The following MAP2 variants were observed in gnomAD, a reference collection of about 807,000 sequenced individuals.
MAP2 encodes the protein microtubule associated protein 2.
A neutral mutation model predicts 137.6 loss-of-function variants in MAP2; 14 were observed. That is an observed-to-expected ratio of 0.10 (90% CI 0.07 to 0.16). The LOEUF (loss-of-function observed/expected upper bound fraction) is 0.16. Ranked by LOEUF, MAP2 falls within the 10% of genes least tolerant of loss-of-function variation. The probability of loss-of-function intolerance (pLI) is 1.00; values close to 1 mark genes in which losing one functional copy is unlikely to be tolerated. For synonymous variants in MAP2, 786 were observed against 782.3 expected (o/e 1.00, Z -0.08); for missense variants, 2,088 against 2,191.5 (o/e 0.95, Z 0.94).
intron 2 of MAP2, among the ~76,000 whole-genome samples, chr2:209,519,062 GA>G (rs1162887749): frequency 1.3e-5 from 2 of 151,856 alleles, no homozygotes; most frequent in Non-Finnish European, 2.9e-5. Context: ...ATTGTTGAGG[GA>G]ATATAATTAA....
intron 12 of MAP2, among the ~76,000 whole-genome samples, chr2:209,709,298 A>AT (rs2064586614): frequency 6.6e-6 from 1 of 152,130 alleles, no homozygotes; most frequent in South Asian, 2.1e-4. Context: ...CACTGAGATA[A>AT]TTTTCCTTAT....
In MAP2 at chr2:209,563,535, C is replaced by T. The variant is rs555293910; in HGVS notation, c.-171-16501C>T. Among the ~76,000 whole-genome samples, 4 of 151,978 alleles carry T rather than the reference C, an allele frequency of 2.6e-5. No individual in the cohort carries two copies. In the South Asian group the frequency reaches 8.3e-4, roughly 32 times the overall value. On this transcript the variant is annotated intron_variant, in intron 2 of 15. Transcript: ENST00000682079. ...TTCAAGATTAAGGACACCTGCATCG[C>T]CACCAGCTTCCCAACCCACCCCCGT...
At chr2:209,535,755 T>G (rs1379341277) in intron 2 of MAP2, among the ~76,000 whole-genome samples, 1 of 152,242 alleles carries the variant, frequency 6.6e-6, no homozygotes, top group East Asian at 1.9e-4. Flanking sequence ...TCGAGGTTTA[T>G]TTTTCAGTTA....
At chr2:209,578,788 A>T (rs1041866880) in intron 2 of MAP2, among the ~76,000 whole-genome samples, 4 of 152,234 alleles carry the variant, frequency 2.6e-5, no homozygotes, top group African/African-American at 9.6e-5. Flanking sequence ...GATACAGATT[A>T]TGCCAAAGAT....
intron 1 of MAP2, among the ~76,000 whole-genome samples, chr2:209,487,857 C>A (rs1193152512): frequency 2.0e-5 from 3 of 151,894 alleles, no homozygotes; most frequent in South Asian, 2.1e-4. Context: ...TATTTATATA[C>A]CTAACATAGA....
At chr2:209,596,703 C>T (rs1003393406) in intron 3 of MAP2, among the ~76,000 whole-genome samples, 9 of 152,172 alleles carry the variant, frequency 5.9e-5, no homozygotes, top group African/African-American at 2.2e-4. Context: ...CTACCCAGCC[C>T]ATCTGGATGG....
intron 5 of MAP2, among the ~76,000 whole-genome samples, chr2:209,670,827 A>T (rs1371795489): frequency 2.6e-5 from 4 of 151,744 alleles, no homozygotes; most frequent in South Asian, 4.1e-4. Flanking sequence ...TAAATCTTGA[A>T]GAAGAAAAAT....
chr2:209,704,372 T>G, intron 11 of MAP2: 1 of 1,308,514 alleles, frequency 7.6e-7, no homozygotes, highest in Non-Finnish European at 1.0e-6. Context: ...TCTTATATGT[T>G]TATACTTCTT....
At chr2:209,444,810 T>G (rs1479151430) in intron 1 of MAP2, among the ~76,000 whole-genome samples, 1 of 151,528 alleles carries the variant, frequency 6.6e-6, no homozygotes. Flanking sequence ...TGATTAAAAG[T>G]TCTTATCGGG....
At chr2:209,444,924 T>A (rs1442509898) in intron 1 of MAP2, among the ~76,000 whole-genome samples, 1 of 151,494 alleles carries the variant, frequency 6.6e-6, no homozygotes, top group Non-Finnish European at 1.5e-5. Flanking sequence ...AAAGCTTAAG[T>A]CAAGCTTTTT....
Position 209,695,783 on chromosome 2 carries a change from A to G in MAP2, c.3613A>G (p.Lys1205Glu), listed in dbSNP as rs2060023646. 12 of 1,613,980 alleles carry G rather than the reference A, an allele frequency of 7.4e-6. No individual in the cohort carries two copies. The highest frequency in any genetic ancestry group is 1.0e-5 in the Non-Finnish European group (12 of 1,180,002). Residue 1205 changes from lysine to glutamate, a missense_variant, in exon 8 of 16, where the codon AAA (lysine) becomes GAA (glutamate). Lys to Glu is a moderately conservative substitution (Grantham distance 56). Around this residue, in one of 6 missense-constraint regions of MAP2, gnomAD observed 591 missense variants for 642.6 expected, o/e 0.92. Transcript: ENST00000682079. ...EFIQGPKEES[K>E]ETPDISITPS... ...TATTCAGGGGCCAAAAGAAGAAAGC[A>G]AAGAGACCCCAGATATATCCATCAC...
chr2:209,494,320 A>T (rs2059482364), intron 1 of MAP2, among the ~76,000 whole-genome samples: 1 of 152,016 alleles, frequency 6.6e-6, no homozygotes, highest in Non-Finnish European at 1.5e-5. Flanking sequence ...ATTAGGAGAA[A>T]TACCTAATGT....
intron 5 of MAP2, among the ~76,000 whole-genome samples, chr2:209,662,953 G>GATATAT (rs35579471): frequency 8.6e-5 from 13 of 150,764 alleles, no homozygotes; most frequent in African/African-American, 3.2e-4. Flanking sequence ...TTAAGTGTGA[G>GATATAT]ATATATATAT....
intron 2 of MAP2, among the ~76,000 whole-genome samples, chr2:209,557,780 C>T (rs1362734015): frequency 6.6e-6 from 1 of 152,138 alleles, no homozygotes; most frequent in Non-Finnish European, 1.5e-5. Context: ...TGGCTCAAGT[C>T]CATGAGCAGT....
At chr2:209,613,515 C>T (rs905225328) in intron 3 of MAP2, among the ~76,000 whole-genome samples, 3 of 152,068 alleles carry the variant, frequency 2.0e-5, no homozygotes, top group South Asian at 2.1e-4. Flanking sequence ...CACTAGTTGC[C>T]GTGGGGAGCA....
chr2:209,538,261 A>G (rs1186987447), intron 2 of MAP2, among the ~76,000 whole-genome samples: 1 of 152,212 alleles, frequency 6.6e-6, no homozygotes, highest in African/African-American at 2.4e-5. Flanking sequence ...AATAATATTT[A>G]GAGAAGAGAG....
At chr2:209,707,679 T>C (rs2063900867) in intron 12 of MAP2, among the ~76,000 whole-genome samples, 1 of 152,160 alleles carries the variant, frequency 6.6e-6, no homozygotes, top group Admixed American at 6.6e-5. Context: ...ATAAGAAACA[T>C]TCAAATTTAT....
In MAP2 at chr2:209,424,171, C is replaced by T. The variant is rs1691871942; in HGVS notation, c.-327C>T. ...CTTCTCCTTCTTTTTCCCCCCCCTCCCCTTCTTCCCCTAACCCTTCTACCC... is the reference window on the plus strand; with the variant it reads ...CTTCTCCTTCTTTTTCCCCCCCCTCTCCTTCTTCCCCTAACCCTTCTACCC... On this transcript the variant is annotated 5_prime_UTR_variant, in exon 1 of 16. Coordinates refer to ENST00000682079, the MANE Select transcript of MAP2 (RefSeq NM_001375505.1). 1.3e-5 allele frequency: 2 copies of T among 154,464 alleles called. No individual in the cohort carries two copies. The highest frequency in any genetic ancestry group is 2.9e-5 in the Non-Finnish European group (2 of 69,790). The allele number at this position is 154,464 out of a possible 1,614,324, so 9.6% of individuals were successfully genotyped here.
Position 209,695,953 on chromosome 2 carries a change from T to C in MAP2, c.3783T>C (p.Gly1261=). The C allele has an allele frequency of 6.2e-7, 1 of 1,613,976 alleles. No homozygotes were observed. The highest frequency in any genetic ancestry group is 1.3e-5 in the African/African-American group (1 of 74,984). Residue 1261 remains glycine (G), a synonymous_variant, in exon 8 of 16, where the codon GGT becomes GGC. Transcript: ENST00000682079. ...RSDTLQITDL[G]VSGAREEFVE... ...ACACCCTTCAGATAACTGACCTGGG[T>C]GTCTCAGGTGCCAGGGAGGAATTTG...
Sources: allele counts gnomAD v4.1 joint callset (sites outside exome capture counted in the v4.1 genomes callset), GRCh38; gene constraint gnomAD v4.1.1; regional missense constraint gnomAD v4.1.1; transcripts MANE v1.5; gene names NCBI Gene and HGNC (gene_info 2026-07-23, HGNC 2026-07-21).